The following GABRB1 variants were observed in gnomAD, a reference collection of about 807,000 sequenced individuals.
GABRB1 encodes gamma-aminobutyric acid type A receptor subunit beta1.
GABRB1 carries 17 observed loss-of-function variants against 51.6 expected under a neutral mutation model. That is an observed-to-expected ratio of 0.33 (90% CI 0.23 to 0.49). The LOEUF (loss-of-function observed/expected upper bound fraction) is 0.49. GABRB1 is among the 20% of genes least tolerant of loss of function. The pLI is 0.99. For synonymous variants in GABRB1, 247 were observed against 218.9 expected (o/e 1.13, Z -1.14); for missense variants, 410 against 600.6 (o/e 0.68, Z 3.32).
intron 5 of GABRB1, among the ~76,000 whole-genome samples, chr4:47,385,996 C>G (rs1360515780): frequency 6.6e-6 from 1 of 152,206 alleles, no homozygotes; most frequent in African/African-American, 2.4e-5. Context: ...GCATGCCACC[C>G]TCCCAGCACC....
At chr4:47,324,033 A>C (rs1432818696) in intron 5 of GABRB1, among the ~76,000 whole-genome samples, 1 of 152,188 alleles carries the variant, frequency 6.6e-6, no homozygotes, top group Non-Finnish European at 1.5e-5. Flanking sequence ...AGCTTGGAGT[A>C]ATAATGATGA....
rs142629032 is a variant in GABRB1, at chr4:47,157,355, A to G, written c.241-3894A>G. Among the ~76,000 whole-genome samples, 61 of 152,254 alleles carry G rather than the reference A, an allele frequency of 4.0e-4. 1 individual carries two copies. The highest frequency in any genetic ancestry group is 1.5e-3 in the African/African-American group (61 of 41,576). The stretch of plus-strand genomic sequence containing the variant: ...CTTTGGACTAATGAAGAATTAATAG[A>G]AAACTTGTTGTGTAAGAGAACAAAA... On this transcript the variant is annotated intron_variant, in intron 3 of 8. Coordinates refer to ENST00000295454, the MANE Select transcript of GABRB1 (RefSeq NM_000812.4).
intron 3 of GABRB1, among the ~76,000 whole-genome samples, chr4:47,084,449 G>A (rs1352496203): frequency 3.9e-5 from 6 of 152,134 alleles, no homozygotes; most frequent in African/African-American, 1.2e-4. Context: ...GTGAATGCAA[G>A]GTGCCAAAGC....
intron 5 of GABRB1, among the ~76,000 whole-genome samples, chr4:47,351,228 A>AT (rs1229225243): frequency 3.3e-5 from 5 of 152,178 alleles, no homozygotes; most frequent in Non-Finnish European, 5.9e-5. Flanking sequence ...TAATCACAAG[A>AT]TTATTTCAAA....
At chr4:47,050,184 G>T (rs1726281848) in intron 3 of GABRB1, among the ~76,000 whole-genome samples, 1 of 152,136 alleles carries the variant, frequency 6.6e-6, no homozygotes, top group South Asian at 2.1e-4. Context: ...TGCTTCAAAG[G>T]TGTTACTAAG....
rs567882157 is a variant in GABRB1 at position 47,201,803 on chromosome 4, C to A, written c.461+40334C>A. Among the ~76,000 whole-genome samples the A allele has an allele frequency of 3.3e-5, 5 of 152,216 alleles. No individual in the cohort carries two copies. In the South Asian group the frequency reaches 1.0e-3, roughly 32 times the overall value. On this transcript the variant is annotated intron_variant, in intron 4 of 8. Transcript: ENST00000295454. The stretch of plus-strand genomic sequence containing the variant: ...AGAGGAAAAATGTCAACCAAAATAG[C>A]ACAAGTGCTTATTTTTACTAGCATG...
intron 3 of GABRB1, among the ~76,000 whole-genome samples, chr4:47,128,258 G>A (rs967511591): frequency 4.0e-5 from 6 of 151,752 alleles, no homozygotes; most frequent in Non-Finnish European, 7.4e-5. Context: ...AAGAAAGAAC[G>A]TTAAGGCTTT....
At chr4:47,116,603 T>C (rs552850738) in intron 3 of GABRB1, among the ~76,000 whole-genome samples, 1 of 152,284 alleles carries the variant, frequency 6.6e-6, no homozygotes, top group African/African-American at 2.4e-5. Flanking sequence ...GGTGGGAAAA[T>C]AAAAGGTATA....
chr4:47,370,701 T>A (rs1271094724), intron 5 of GABRB1, among the ~76,000 whole-genome samples: 1 of 152,282 alleles, frequency 6.6e-6, no homozygotes, highest in African/African-American at 2.4e-5. Context: ...ATCTGAACAC[T>A]AGAGACAGAC....
intron 4 of GABRB1, among the ~76,000 whole-genome samples, chr4:47,297,694 T>G (rs1055253745): frequency 4.6e-5 from 7 of 152,186 alleles, no homozygotes; most frequent in African/African-American, 7.2e-5. Context: ...GAGGAACTGG[T>G]ACCATTCCTT....
chr4:47,234,872 C>A (rs1301498473), intron 4 of GABRB1, among the ~76,000 whole-genome samples: 1 of 152,178 alleles, frequency 6.6e-6, no homozygotes, highest in Non-Finnish European at 1.5e-5. Context: ...TCATTGAGCA[C>A]CTGCAAATGT....
Position 47,322,970 on chromosome 4 carries a change from AAACAACAACAAC to A in GABRB1, c.544+2779_544+2790del, listed in dbSNP as rs58096811. Among the ~76,000 whole-genome samples, 31 of 150,156 alleles carry A rather than the reference AAACAACAACAAC, an allele frequency of 2.1e-4. No homozygotes were observed. In the East Asian group the frequency reaches 4.8e-3, roughly 23 times the overall value. On this transcript the variant is annotated intron_variant, in intron 5 of 8. Coordinates refer to ENST00000295454, the MANE Select transcript of GABRB1 (RefSeq NM_000812.4). Reference sequence around the variant, plus strand: ...TGTGACAGAGTGAGACTCCATTTCAAAACAACAACAACAACAACAACAACAACAATAATAATA... The same window carrying A: ...TGTGACAGAGTGAGACTCCATTTCAAAACAACAACAACAACAATAATAATA...
At chr4:47,091,798 G>A (rs190057800) in intron 3 of GABRB1, among the ~76,000 whole-genome samples, 15 of 152,276 alleles carry the variant, frequency 9.9e-5, no homozygotes, top group African/African-American at 3.6e-4. Context: ...TCCTGCAACA[G>A]CCTCCTGGCA....
At chr4:47,425,251 G>C (rs1729229062) in intron 8 of GABRB1, among the ~76,000 whole-genome samples, 1 of 152,156 alleles carries the variant, frequency 6.6e-6, no homozygotes, top group Admixed American at 6.5e-5. Flanking sequence ...TATATGAATA[G>C]AGAAAAGACT....
intron 4 of GABRB1, among the ~76,000 whole-genome samples, chr4:47,311,060 CAAAAAAAAAAA>C (rs34566582): frequency 1.9e-5 from 1 of 52,176 alleles, no homozygotes. Context: ...AACTCTGTCT[CAAAAAAAAAAA>C]AAAAAAAAAA....
intron 4 of GABRB1, among the ~76,000 whole-genome samples, chr4:47,250,993 A>G (rs1721965242): frequency 1.3e-5 from 2 of 151,910 alleles, no homozygotes; most frequent in African/African-American, 4.8e-5. Flanking sequence ...GTGAACTAGT[A>G]TTATTTCTTG....
At chr4:47,307,404 G>A (rs931782463) in intron 4 of GABRB1, among the ~76,000 whole-genome samples, 2 of 151,882 alleles carry the variant, frequency 1.3e-5, no homozygotes, top group Non-Finnish European at 2.9e-5. Flanking sequence ...TATCTGGAGT[G>A]CTCAATTATT....
chr4:47,419,746 T>G (rs1729039185), intron 8 of GABRB1, among the ~76,000 whole-genome samples: 1 of 152,202 alleles, frequency 6.6e-6, no homozygotes, highest in South Asian at 2.1e-4. Context: ...AGTGAATGCA[T>G]GAACTACTAT....
At chr4:47,026,290 T>C (rs1725091183) in intron 1 of GABRB1, among the ~76,000 whole-genome samples, 1 of 152,014 alleles carries the variant, frequency 6.6e-6, no homozygotes, top group South Asian at 2.1e-4. Flanking sequence ...TTAAATACAC[T>C]CACGAATAAA....
Sources: allele counts gnomAD v4.1 joint callset (sites outside exome capture counted in the v4.1 genomes callset), GRCh38; gene constraint gnomAD v4.1.1; transcripts MANE v1.5; gene names NCBI Gene and HGNC (gene_info 2026-07-23, HGNC 2026-07-21).